Variants in PTGFRN observed in about 807,000 individuals in gnomAD.
PTGFRN encodes the protein prostaglandin F2 receptor inhibitor.
A neutral mutation model predicts 83.2 loss-of-function variants in PTGFRN; 35 were observed. That is an observed-to-expected ratio of 0.42 (90% confidence interval 0.32 to 0.56). PTGFRN has a LOEUF of 0.56. PTGFRN is among the 20% of genes least tolerant of loss of function. The pLI is 0.11. For missense variants in PTGFRN, 1,051 were observed against 1,179.5 expected (o/e 0.89, Z 1.60); for synonymous variants, 519 against 498.6 (o/e 1.04, Z -0.55).
intron 1 of PTGFRN, among the ~76,000 whole-genome samples, chr1:116,936,422 A>G (rs1649922334): frequency 6.6e-6 from 1 of 152,218 alleles, no homozygotes; most frequent in African/African-American, 2.4e-5. Flanking sequence ...GCATCTGTTC[A>G]TATCTGCTTT....
chr1:116,936,978 A>G (rs1045809307), intron 1 of PTGFRN, among the ~76,000 whole-genome samples: 8 of 152,250 alleles, frequency 5.3e-5, no homozygotes, highest in African/African-American at 1.7e-4. Context: ...TATTTTAGTA[A>G]TAATTGATAA....
At chr1:116,975,822 C>G (rs777123598) in intron 7 of PTGFRN, among the ~76,000 whole-genome samples, 2 of 152,180 alleles carry the variant, frequency 1.3e-5, no homozygotes, top group Non-Finnish European at 1.5e-5. Context: ...GCACCTCTCC[C>G]CCTCCAAAGG....
At chr1:116,977,328 A>C (rs1054368402) in intron 7 of PTGFRN, among the ~76,000 whole-genome samples, 1 of 152,218 alleles carries the variant, frequency 6.6e-6, no homozygotes. Flanking sequence ...CAGAAAGTTA[A>C]CAAGGATGTC....
intron 4 of PTGFRN, among the ~76,000 whole-genome samples, chr1:116,957,337 G>A (rs772440489): frequency 2.6e-5 from 4 of 151,938 alleles, no homozygotes; most frequent in Admixed American, 6.6e-5. Context: ...TTTCATGTCT[G>A]GGGGAGTGAG....
At chr1:116,936,764 GA>G (rs1381075634) in intron 1 of PTGFRN, among the ~76,000 whole-genome samples, 4 of 152,216 alleles carry the variant, frequency 2.6e-5, no homozygotes, top group African/African-American at 9.6e-5. Context: ...GCCAGATCAT[GA>G]GTGGTCTTGT....
At chr1:116,929,931 C>T (rs2101056522) in intron 1 of PTGFRN, among the ~76,000 whole-genome samples, 1 of 152,314 alleles carries the variant, frequency 6.6e-6, no homozygotes, top group East Asian at 1.9e-4. Flanking sequence ...CTTTCCAGAT[C>T]CCATACCCGT....
Position 116,941,975 on chromosome 1 carries a change from C to T in PTGFRN, c.310C>T (p.Leu104Phe), listed in dbSNP as rs758840988. 2 of 1,614,208 alleles carry T rather than the reference C, an allele frequency of 1.2e-6. No individual in the cohort carries two copies. The highest frequency in any genetic ancestry group is 8.5e-7 in the Non-Finnish European group (1 of 1,180,050). ...GCGGACTGCCAACGACGCCGTGGAG[C>T]TCCACATAAAGAACGTCCAGCCTTC... ...LRRTANDAVE[L>F]HIKNVQPSDQ... The change falls in exon 2 of 9, where the codon CTC (leucine) becomes TTC (phenylalanine). Residue 104 changes from leucine to phenylalanine, a missense_variant. Leu to Phe is a conservative substitution (Grantham distance 22). Around this residue, in one of 3 missense-constraint regions of PTGFRN, gnomAD observed 127 missense variants for 168.4 expected, o/e 0.75. Coordinates refer to ENST00000393203, the MANE Select transcript of PTGFRN (RefSeq NM_020440.4). This position sits in a 1 kb window ranked among gnomAD's most constrained non-coding sequence, Gnocchi z 5.0.
Position 116,943,096 on chromosome 1 carries a change from A to G in PTGFRN, c.418+1013A>G, listed in dbSNP as rs147449899. On this transcript the variant is annotated intron_variant, in intron 2 of 8. Coordinates refer to ENST00000393203, the MANE Select transcript of PTGFRN (RefSeq NM_020440.4). The stretch of plus-strand genomic sequence containing the variant: ...AGAATGTATGTAATTATCAGAAAGT[A>G]GAAAATGCACATGATGATATAAAAA... Among the ~76,000 whole-genome samples, 35 of 152,354 alleles carry G rather than the reference A, an allele frequency of 2.3e-4. No homozygotes were observed. In the East Asian group the frequency reaches 6.5e-3, roughly 29 times the overall value.
rs1465531031 is a variant in PTGFRN at position 116,988,182 on chromosome 1, G to A, written c.*1215G>A. ...AGGTCATTTTAAGGTCCACTGCAGG[G>A]GGTTAGTGAGAAAGGGTATACTTTG... On this transcript the variant is annotated 3_prime_UTR_variant, in exon 9 of 9. Coordinates refer to ENST00000393203, the MANE Select transcript of PTGFRN (RefSeq NM_020440.4). The A allele has an allele frequency of 2.0e-5, 3 of 152,208 alleles. No homozygotes were observed. Among genetic ancestry groups the A allele is most frequent in the African/African-American group, 7.2e-5 (3 of 41,448 alleles). The allele number at this position is 152,208 out of a possible 1,614,324, so 9.4% of individuals were successfully genotyped here.
chr1:116,919,510 AC>A (rs1423009581), intron 1 of PTGFRN, among the ~76,000 whole-genome samples: 2 of 152,016 alleles, frequency 1.3e-5, no homozygotes, highest in Non-Finnish European at 2.9e-5. Flanking sequence ...TGATCCTCCC[AC>A]CTCAGCCTCC....
rs761468961 is a variant in PTGFRN, at chr1:116,941,388, A to G, written c.50-327A>G. 6.6e-6 allele frequency among the ~76,000 whole-genome samples: 1 copy of G among 152,178 alleles called. No individual in the cohort carries two copies. The highest frequency in any genetic ancestry group is 1.5e-5 in the Non-Finnish European group (1 of 68,042). On this transcript the variant is annotated intron_variant, in intron 1 of 8. Transcript: ENST00000393203. The surrounding 1 kb of genome is among the most constrained non-coding windows in gnomAD (Gnocchi z 5.0). Reference sequence around the variant, plus strand: ...TTCACACAAAACCTAAAATATTTTTACATCACATGGAGTGGTTAGGGTGTG... The same window carrying G: ...TTCACACAAAACCTAAAATATTTTTGCATCACATGGAGTGGTTAGGGTGTG...
intron 1 of PTGFRN, among the ~76,000 whole-genome samples, chr1:116,931,500 T>C (rs1649801867): frequency 1.8e-5 from 2 of 112,896 alleles, no homozygotes; most frequent in Admixed American, 1.6e-4. Flanking sequence ...CTTTTTCTTT[T>C]TTTTTTTTTT....
intron 1 of PTGFRN, among the ~76,000 whole-genome samples, chr1:116,913,652 G>A (rs578151368): frequency 1.3e-5 from 2 of 152,262 alleles, no homozygotes; most frequent in East Asian, 1.9e-4. Context: ...CAGGGGCCAC[G>A]TTGATTTTGT....
intron 1 of PTGFRN, among the ~76,000 whole-genome samples, chr1:116,920,743 C>A (rs1195214910): frequency 1.3e-5 from 2 of 152,124 alleles, no homozygotes; most frequent in African/African-American, 4.8e-5. Context: ...CATGCCTCGG[C>A]CACCCAAGTA....
chr1:116,985,142 C>CAG (rs1651427946), intron 8 of PTGFRN, among the ~76,000 whole-genome samples, 157 bp downstream of exon 8: 2 of 152,232 alleles, frequency 1.3e-5, no homozygotes, highest in African/African-American at 4.8e-5. Context: ...CAGAAGGGCA[C>CAG]CAGCAGCCCT....
intron 7 of PTGFRN, among the ~76,000 whole-genome samples, chr1:116,979,272 TATC>T (rs1296707594): frequency 1.3e-5 from 2 of 152,144 alleles, no homozygotes; most frequent in African/African-American, 4.8e-5. Flanking sequence ...GAAGAATCAA[TATC>T]ATGAAAATGG....
chr1:116,928,942 C>G (rs1352110468), intron 1 of PTGFRN, among the ~76,000 whole-genome samples: 1 of 152,160 alleles, frequency 6.6e-6, no homozygotes, highest in Non-Finnish European at 1.5e-5. Flanking sequence ...TGATGACTCT[C>G]TAGTGAGTAT....
intron 7 of PTGFRN, among the ~76,000 whole-genome samples, chr1:116,983,390 A>G (rs935907150): frequency 4.0e-5 from 6 of 151,796 alleles, no homozygotes; most frequent in Non-Finnish European, 7.4e-5. Context: ...ACTGAAGACG[A>G]GAGTGATGCG....
At chr1:116,957,844 C>T (rs1650540366) in intron 4 of PTGFRN, among the ~76,000 whole-genome samples, 1 of 152,186 alleles carries the variant, frequency 6.6e-6, no homozygotes, top group South Asian at 2.1e-4. Context: ...TGACCTCCCA[C>T]ATGCGAGTGA....
Sources: gnomAD v4.1 joint callset for allele counts (sites outside exome capture counted in the v4.1 genomes callset) on GRCh38, gnomAD v4.1.1 for gene constraint, gnomAD v4.1.1 regional missense constraint, Gnocchi (gnomAD v3.1) non-coding constraint, MANE v1.5 for transcripts, NCBI Gene and HGNC (gene_info 2026-07-23, HGNC 2026-07-21) for gene names.